PUM2: variants seen among roughly 807,000 people sequenced by gnomAD.
PUM2 encodes pumilio RNA binding family member 2.
Under a neutral mutation model 124.5 loss-of-function variants are expected in PUM2, and 57 were observed. That is an observed-to-expected ratio of 0.46 (90% CI 0.37 to 0.57). The LOEUF is 0.57. Among genes scored for constraint, PUM2 ranks in the 20% least tolerant of loss-of-function variants. The pLI is 0.00. For missense variants in PUM2, 1,065 were observed against 1,290.6 expected (o/e 0.83, Z 2.68); for synonymous variants, 460 against 446.1 (o/e 1.03, Z -0.39).
chr2:20,295,885 G>A (rs1487848952), intron 8 of PUM2, among the ~76,000 whole-genome samples: 1 of 151,906 alleles, frequency 6.6e-6, no homozygotes, highest in Admixed American at 6.6e-5. Flanking sequence ...ACATTTTCTG[G>A]CTCACATTGT....
intron 14 of PUM2, among the ~76,000 whole-genome samples, chr2:20,261,503 G>T (rs1666267324): frequency 7.4e-6 from 1 of 135,320 alleles, no homozygotes; most frequent in Non-Finnish European, 1.6e-5. Context: ...ACTTTTTATT[G>T]TTATTTTAGA....
chr2:20,277,499 A>C (rs531884539), intron 13 of PUM2, among the ~76,000 whole-genome samples: 1 of 152,024 alleles, frequency 6.6e-6, no homozygotes, highest in African/African-American at 2.4e-5. Context: ...GGAAGACCAG[A>C]GTCTTTAAAA....
intron 1 of PUM2, among the ~76,000 whole-genome samples, chr2:20,342,052 C>T (rs1320341743): frequency 6.6e-6 from 1 of 151,220 alleles, no homozygotes; most frequent in African/African-American, 2.4e-5. Context: ...TCGCTTAAAC[C>T]CAGGAGGTGG....
intron 3 of PUM2, among the ~76,000 whole-genome samples, chr2:20,316,392 ATGAT>A (rs1454232221): frequency 2.0e-5 from 3 of 152,126 alleles, no homozygotes; most frequent in Admixed American, 6.5e-5. Flanking sequence ...AAAATATCTC[ATGAT>A]TAACACTGGA....
chr2:20,329,711 T>C (rs1684494000), intron 1 of PUM2, among the ~76,000 whole-genome samples: 1 of 152,146 alleles, frequency 6.6e-6, no homozygotes. Context: ...GCGGGCCATT[T>C]CTACAGCTGG....
intron 2 of PUM2, among the ~76,000 whole-genome samples, chr2:20,322,111 A>C (rs542248547): frequency 6.6e-6 from 1 of 152,364 alleles, no homozygotes; most frequent in East Asian, 1.9e-4. Context: ...AAAAGGATTT[A>C]AAATGTAAAT....
Position 20,256,855 on chromosome 2 carries a change from C to T in PUM2, c.2485-685G>A, listed in dbSNP as rs142115931. On this transcript the variant is annotated intron_variant, in intron 16 of 20. Coordinates refer to ENST00000361078, the MANE Select transcript of PUM2 (RefSeq NM_015317.5). ...GAGCTCAGGAGTTTTGAGACCAGCC[C>T]GGGCGACATGGCTCCGATTACTACC... Among the ~76,000 whole-genome samples, 567 of 151,642 alleles carry T rather than the reference C, an allele frequency of 3.7e-3. 7 individuals are homozygous for T. Among genetic ancestry groups the T allele is most frequent in the African/African-American group, 0.013 (549 of 41,324 alleles).
At chr2:20,306,108 G>A (rs571100510) in intron 7 of PUM2, among the ~76,000 whole-genome samples, 9 of 152,168 alleles carry the variant, frequency 5.9e-5, no homozygotes, top group South Asian at 2.1e-4. Context: ...GGGAGGCTGC[G>A]GCGAGAGGAT....
intron 2 of PUM2, among the ~76,000 whole-genome samples, chr2:20,323,889 T>C (rs1396997402): frequency 7.8e-6 from 1 of 128,432 alleles, no homozygotes; most frequent in African/African-American, 3.0e-5. Flanking sequence ...TTGAGTATTA[T>C]TCTAGAGATA....
At chr2:20,318,405 C>G in intron 3 of PUM2, 132 bp downstream of exon 3, 1 of 707,748 alleles carries the variant, frequency 1.4e-6, no homozygotes, top group Non-Finnish European at 2.3e-6. Flanking sequence ...TATTTGAGAC[C>G]AGCCTGGGCA....
intron 8 of PUM2, among the ~76,000 whole-genome samples, chr2:20,295,169 C>A (rs988278254): frequency 5.9e-5 from 9 of 151,970 alleles, no homozygotes; most frequent in African/African-American, 2.2e-4. Context: ...AGAAGGGAAA[C>A]TAGGAAAATA....
At chr2:20,288,659 G>A (rs1013800921) in intron 10 of PUM2, among the ~76,000 whole-genome samples, 1 of 152,174 alleles carries the variant, frequency 6.6e-6, no homozygotes, top group Non-Finnish European at 1.5e-5. Flanking sequence ...ATCTGATAAA[G>A]TACTGAAGAA....
chr2:20,268,511 G>C (rs142379843), intron 13 of PUM2, among the ~76,000 whole-genome samples: 1 of 152,078 alleles, frequency 6.6e-6, no homozygotes, highest in Non-Finnish European at 1.5e-5. Context: ...CCAGCTACTC[G>C]GGAGGCTGAG....
At chr2:20,288,399 G>A (rs1419645219) in intron 10 of PUM2, among the ~76,000 whole-genome samples, 2 of 152,210 alleles carry the variant, frequency 1.3e-5, no homozygotes, top group African/African-American at 2.4e-5. Context: ...CTGTCACTAA[G>A]TTATATTAGA....
chr2:20,348,489 G>C (rs372634235), intron 1 of PUM2, among the ~76,000 whole-genome samples: 98 of 152,358 alleles, frequency 6.4e-4, no homozygotes, highest in Non-Finnish European at 1.2e-3. Context: ...TGCAGATCAT[G>C]TTAGGGTCTA....
intron 15 of PUM2, among the ~76,000 whole-genome samples, chr2:20,258,708 T>C (rs936718393): frequency 7.8e-5 from 11 of 141,240 alleles, no homozygotes; most frequent in African/African-American, 2.6e-4. Flanking sequence ...TCGCCCAGGC[T>C]GGACTGCGGA....
chr2:20,274,237 T>C (rs1279211769), intron 13 of PUM2, among the ~76,000 whole-genome samples: 1 of 152,188 alleles, frequency 6.6e-6, no homozygotes, highest in African/African-American at 2.4e-5. Context: ...TCGAATGCTA[T>C]TCAGTTACAG....
At chr2:20,305,424 T>C (rs963497602) in intron 7 of PUM2, among the ~76,000 whole-genome samples, 7 of 123,630 alleles carry the variant, frequency 5.7e-5, no homozygotes, top group African/African-American at 2.2e-4. Flanking sequence ...GCTGTACCAC[T>C]GCACTCCAGT....
At chr2:20,350,422 C>T in intron 1 of PUM2, 175 bp downstream of exon 1, 1 of 937,708 alleles carries the variant, frequency 1.1e-6, no homozygotes, top group Non-Finnish European at 1.3e-6. Context: ...CTTCCGGCAC[C>T]CCTCCCCCTG....
Sources: allele counts gnomAD v4.1 joint callset (sites outside exome capture counted in the v4.1 genomes callset), GRCh38; gene constraint gnomAD v4.1.1; transcripts MANE v1.5; gene names NCBI Gene and HGNC (gene_info 2026-07-23, HGNC 2026-07-21).